The following SPAG16 variants were observed in gnomAD, a reference collection of about 807,000 sequenced individuals.
The protein encoded by SPAG16 is sperm-associated antigen 16 protein.
SPAG16 carries 86 observed loss-of-function variants against 80.4 expected under a neutral mutation model. That is an observed-to-expected ratio of 1.07 (90% CI 0.90 to 1.28). The LOEUF is 1.28. Among genes scored for constraint, SPAG16 ranks in the 50% most tolerant of loss-of-function variants. The probability of loss-of-function intolerance (pLI) is 0.00; values close to 1 mark genes in which losing one functional copy is unlikely to be tolerated. For missense variants in SPAG16, 870 were observed against 765.3 expected (o/e 1.14, Z -1.61); for synonymous variants, 294 against 265.9 (o/e 1.11, Z -1.03).
At chr2:213,515,338 A>G (rs1358155608) in intron 10 of SPAG16, among the ~76,000 whole-genome samples, 1 of 152,130 alleles carries the variant, frequency 6.6e-6, no homozygotes, top group Non-Finnish European at 1.5e-5. Flanking sequence ...ACATTGTTAG[A>G]TGCGAGGAAG....
intron 10 of SPAG16, among the ~76,000 whole-genome samples, chr2:213,606,064 C>A (rs2061249888): frequency 1.3e-5 from 2 of 152,130 alleles, no homozygotes; most frequent in Admixed American, 6.5e-5. Flanking sequence ...GGAATGTAAT[C>A]TAATGGCATC....
Position 213,382,483 on chromosome 2 carries a change from T to C in SPAG16, c.942+7364T>C, listed in dbSNP as rs368702372. On this transcript the variant is annotated intron_variant, in intron 9 of 15. Coordinates refer to ENST00000331683, the MANE Select transcript of SPAG16 (RefSeq NM_024532.5). ...CTGTTGGGGCTTGTTATAGGCTTCC[T>C]ATAGTATCTTCATTTTCTACAGATA... is the stretch of plus-strand genomic sequence containing the variant. Among the ~76,000 whole-genome samples the C allele has an allele frequency of 3.9e-5, 6 of 152,336 alleles. 1 individual carries two copies. Among genetic ancestry groups the C allele is most frequent in the Admixed American group, 2.0e-4 (3 of 15,300 alleles).
intron 15 of SPAG16, among the ~76,000 whole-genome samples, chr2:214,180,072 C>T (rs1360741591): frequency 6.6e-6 from 1 of 151,618 alleles, no homozygotes; most frequent in East Asian, 1.9e-4. Flanking sequence ...TTTCATCCCT[C>T]CTTCCCATTT....
At chr2:213,849,255 A>C (rs532874872) in intron 10 of SPAG16, among the ~76,000 whole-genome samples, 7 of 152,068 alleles carry the variant, frequency 4.6e-5, no homozygotes, top group Admixed American at 4.6e-4. Flanking sequence ...GCAGGAACTA[A>C]TAGAGTTAGA....
chr2:214,078,625 C>T (rs2051205233), intron 13 of SPAG16, among the ~76,000 whole-genome samples: 1 of 149,400 alleles, frequency 6.7e-6, no homozygotes, highest in South Asian at 2.1e-4. Context: ...TTACTTTTCT[C>T]TTTAAACAGT....
intron 10 of SPAG16, among the ~76,000 whole-genome samples, chr2:213,606,215 A>G (rs921808000): frequency 6.6e-6 from 1 of 152,176 alleles, no homozygotes; most frequent in Non-Finnish European, 1.5e-5. Flanking sequence ...AGGCATTTAT[A>G]TTCTTCCTAA....
chr2:213,965,655 T>C (rs1324241516), intron 12 of SPAG16, among the ~76,000 whole-genome samples: 3 of 152,210 alleles, frequency 2.0e-5, no homozygotes, highest in Non-Finnish European at 4.4e-5. Context: ...CTCCACTTAA[T>C]TGCTTACGAC....
At chr2:214,288,415 C>A (rs1693535370) in intron 15 of SPAG16, among the ~76,000 whole-genome samples, 1 of 152,066 alleles carries the variant, frequency 6.6e-6, no homozygotes, top group Non-Finnish European at 1.5e-5. Flanking sequence ...CTTTGATACA[C>A]ATATTTCTTT....
intron 9 of SPAG16, among the ~76,000 whole-genome samples, chr2:213,442,344 T>C (rs900014656): frequency 5.3e-5 from 8 of 152,246 alleles, no homozygotes; most frequent in Non-Finnish European, 1.2e-4. Flanking sequence ...ATGTTAGTTC[T>C]TTCCAACTTG....
chr2:213,691,922 T>A (rs2064959874), intron 10 of SPAG16, among the ~76,000 whole-genome samples: 1 of 152,154 alleles, frequency 6.6e-6, no homozygotes, highest in African/African-American at 2.4e-5. Flanking sequence ...CGGTAGTCTA[T>A]CCTAAAAAGT....
At chr2:213,966,256 T>A (rs2044705895) in intron 12 of SPAG16, among the ~76,000 whole-genome samples, 1 of 152,228 alleles carries the variant, frequency 6.6e-6, no homozygotes. Context: ...TCAATTGTCA[T>A]GGTCTCTTAC....
At chr2:213,834,158 T>C (rs2073954613) in intron 10 of SPAG16, among the ~76,000 whole-genome samples, 1 of 152,152 alleles carries the variant, frequency 6.6e-6, no homozygotes, top group Non-Finnish European at 1.5e-5. Flanking sequence ...CCACCATGAC[T>C]CTGAGGCCTC....
intron 15 of SPAG16, among the ~76,000 whole-genome samples, chr2:214,400,616 C>A (rs116484631): frequency 0.032 from 4,913 of 152,034 alleles, 255 homozygotes; most frequent in African/African-American, 0.11. Context: ...TACAGAGGAG[C>A]AACTTATATT....
At chr2:213,508,912 T>C (rs1382835952) in intron 10 of SPAG16, among the ~76,000 whole-genome samples, 2 of 148,018 alleles carry the variant, frequency 1.4e-5, no homozygotes, top group Admixed American at 6.6e-5. Context: ...AAACTTAAAG[T>C]ATAATTAAAA....
chr2:213,799,715 A>G (rs1185795493), intron 10 of SPAG16, among the ~76,000 whole-genome samples: 2 of 152,170 alleles, frequency 1.3e-5, no homozygotes, highest in African/African-American at 4.8e-5. Context: ...TACTTGTCAG[A>G]GAAGTAAACT....
At chr2:213,665,199 A>C (rs1314613689) in intron 10 of SPAG16, among the ~76,000 whole-genome samples, 1 of 152,154 alleles carries the variant, frequency 6.6e-6, no homozygotes, top group Non-Finnish European at 1.5e-5. Context: ...AATAATTTAA[A>C]TGAAATTTGA....
chr2:214,324,741 C>G (rs1015391428), intron 15 of SPAG16, among the ~76,000 whole-genome samples: 2 of 152,120 alleles, frequency 1.3e-5, no homozygotes, highest in Non-Finnish European at 2.9e-5. Context: ...CTTTCTCCTC[C>G]TCTACTAACT....
chr2:214,044,989 T>A (rs2049234449), intron 13 of SPAG16, among the ~76,000 whole-genome samples: 1 of 152,086 alleles, frequency 6.6e-6, no homozygotes. Context: ...ACCTAGGCAA[T>A]TCCTAGTGCT....
rs376533444 is a variant in SPAG16 at position 214,407,796 on chromosome 2, A to G, written c.1721-2344A>G. 3.3e-5 allele frequency among the ~76,000 whole-genome samples: 5 copies of G among 151,702 alleles called. No individual in the cohort carries two copies. In the East Asian group the frequency reaches 9.6e-4, roughly 29 times the overall value. ...GACACACCCTGGTAAGTAATTTTGAACATTTTCTAACTTAGAAAGAGGTTA... is the reference window on the plus strand; with the variant it reads ...GACACACCCTGGTAAGTAATTTTGAGCATTTTCTAACTTAGAAAGAGGTTA... On this transcript the variant is annotated intron_variant, in intron 15 of 15. Coordinates refer to ENST00000331683, the MANE Select transcript of SPAG16 (RefSeq NM_024532.5).
Sources: gnomAD v4.1 joint callset for allele counts (sites outside exome capture counted in the v4.1 genomes callset) on GRCh38, gnomAD v4.1.1 for gene constraint, MANE v1.5 for transcripts, NCBI Gene and HGNC (gene_info 2026-07-23, HGNC 2026-07-21) for gene names.